SAMM50: variants seen among roughly 807,000 people sequenced by gnomAD.
The protein encoded by SAMM50 is SAMM50 sorting and assembly machinery component, also known as sorting and assembly machinery component 50 homolog.
Under a neutral mutation model 66.9 loss-of-function variants are expected in SAMM50, and 47 were observed. That is an observed-to-expected ratio of 0.70 (90% CI 0.56 to 0.90). SAMM50 has a LOEUF of 0.90. Ranked by LOEUF, SAMM50 falls within the 40% of genes least tolerant of loss-of-function variation. The pLI, the probability that SAMM50 is intolerant of heterozygous loss-of-function variation, is 0.00. For synonymous variants in SAMM50, 191 were observed against 214.1 expected, an observed-to-expected ratio of 0.89 and a Z score of 0.94; for missense variants, 535 against 595.3, an observed-to-expected ratio of 0.90 and a Z score of 1.05.
intron 14 of SAMM50, chr22:43,996,111 T>C: frequency 7.6e-6 from 5 of 655,154 alleles, no homozygotes; most frequent in Non-Finnish European, 1.4e-5. Context: ...TCTCTCCTTC[T>C]TTCCCTTTTC....
intron 3 of SAMM50, among the ~76,000 whole-genome samples, chr22:43,967,694 G>A (rs1179063912): frequency 6.6e-6 from 1 of 152,112 alleles, no homozygotes; most frequent in East Asian, 1.9e-4. Flanking sequence ...ACAAGGAAAT[G>A]TGATCCTTTC....
chr22:43,970,266 T>C (rs1246552461), intron 4 of SAMM50, among the ~76,000 whole-genome samples: 10 of 151,878 alleles, frequency 6.6e-5, no homozygotes, highest in Non-Finnish European at 1.5e-4. Context: ...CCTTGTTCTC[T>C]GAAGTCACCT....
rs931579984 is a variant in SAMM50, at chr22:43,983,836, C to G, written c.1008-97C>G. ...AAAAATGCTGTCGATAATCTAGTAT[C>G]GAATGTGAGTCTGACATGTGTTTCC... On this transcript the variant is annotated intron_variant, in intron 11 of 14. Transcript: ENST00000350028. The surrounding 1 kb of genome is among the most constrained non-coding windows in gnomAD (Gnocchi z 4.2). The G allele has an allele frequency of 3.7e-6, 3 of 819,580 alleles. No homozygotes were observed. Among genetic ancestry groups the G allele is most frequent in the Non-Finnish European group, 6.0e-6 (3 of 502,830 alleles). The allele number at this position is 819,580 out of a possible 1,614,324, so 50.8% of individuals were successfully genotyped here.
rs769314961 is a variant in SAMM50 at position 43,976,182 on chromosome 22, C to G, written c.776C>G (p.Ser259Trp). 6 of 1,602,980 alleles carry G rather than the reference C, an allele frequency of 3.7e-6. No homozygotes were observed. In the African/African-American group the frequency reaches 8.0e-5, roughly 21 times the overall value. The change falls in exon 8 of 15, where the codon TCG (serine) becomes TGG (tryptophan). Residue 259 changes from serine to tryptophan, a missense_variant and splice_region_variant. Coordinates refer to ENST00000350028, the MANE Select transcript of SAMM50 (RefSeq NM_015380.5). ...GGACATTCACTGAAATCATCTCTTT[C>G]GGTAACGGTTTCTCTTAGTTGGAGT... ...ESGHSLKSSLSHAMVIDSRNS... is the reference protein window; with the variant it reads ...ESGHSLKSSLWHAMVIDSRNS...
chr22:43,982,067 G>A (rs962505028), intron 11 of SAMM50, among the ~76,000 whole-genome samples: 1 of 152,164 alleles, frequency 6.6e-6, no homozygotes, highest in African/African-American at 2.4e-5. Context: ...TGTACTTGTT[G>A]CTTCGAAATA....
Position 43,955,459 on chromosome 22 carries a change from G to C in SAMM50, c.-119G>C. 8.4e-7 allele frequency: 1 copy of C among 1,193,980 alleles called. No homozygotes were observed. The allele number at this position is 1,193,980 out of a possible 1,614,324, so 74.0% of individuals were successfully genotyped here. A position where few individuals can be genotyped will look rare whatever the true frequency, so the allele number is the denominator to read the frequency against. On this transcript the variant is annotated 5_prime_UTR_variant, in exon 1 of 15. Transcript: ENST00000350028. The stretch of plus-strand genomic sequence containing the variant: ...CCGCCCCCAGTGTTCCGCGTCCGGG[G>C]GTTTGTGGGAGTTGCCTTGACCTGC...
intron 1 of SAMM50, among the ~76,000 whole-genome samples, chr22:43,958,074 C>T (rs2050129011): frequency 6.6e-6 from 1 of 152,188 alleles, no homozygotes; most frequent in Admixed American, 6.5e-5. Flanking sequence ...TTCTTGTTAG[C>T]CCTGTGAGGA....
chr22:43,956,120 C>A (rs543093437), intron 1 of SAMM50, among the ~76,000 whole-genome samples: 1 of 152,254 alleles, frequency 6.6e-6, no homozygotes, highest in South Asian at 2.1e-4. Context: ...TAGTACCTAC[C>A]TCGCCTGGCT....
chr22:43,963,433 G>A (rs140744390), intron 2 of SAMM50, 37 bp downstream of exon 2: 4 of 1,329,260 alleles, frequency 3.0e-6, no homozygotes, highest in Non-Finnish European at 4.3e-6. Context: ...AGAATTGTTA[G>A]TGGAAACATT....
At chr22:43,973,443 A>T in intron 7 of SAMM50, 120 bp downstream of exon 7, 3 of 655,318 alleles carry the variant, frequency 4.6e-6, no homozygotes, top group East Asian at 2.9e-5. Context: ...CCTCCGCACC[A>T]GGTACCTCCT....
At chr22:43,961,118 G>A (rs2050145261) in intron 1 of SAMM50, among the ~76,000 whole-genome samples, 2 of 152,202 alleles carry the variant, frequency 1.3e-5, no homozygotes, top group Admixed American at 1.3e-4. Flanking sequence ...CCTTTCCGGG[G>A]AAAAGTGGAT....
intron 3 of SAMM50, among the ~76,000 whole-genome samples, chr22:43,965,788 CTG>C (rs2053009337): frequency 6.6e-6 from 1 of 151,942 alleles, no homozygotes; most frequent in Non-Finnish European, 1.5e-5. Flanking sequence ...ACATACCAGT[CTG>C]TTGGCTGTGT....
At chr22:43,980,677 C>T (rs902933678) in intron 10 of SAMM50, among the ~76,000 whole-genome samples, 5 of 152,166 alleles carry the variant, frequency 3.3e-5, no homozygotes, top group African/African-American at 1.2e-4. Context: ...GAAGCTTGTC[C>T]TTCCTACAGA....
intron 1 of SAMM50, among the ~76,000 whole-genome samples, chr22:43,961,510 A>C (rs942625686): frequency 3.9e-5 from 6 of 152,124 alleles, no homozygotes; most frequent in Non-Finnish European, 8.8e-5. Flanking sequence ...AGTGCAGTGG[A>C]GTGATCTTAG....
At position 43,972,343 on chromosome 22, in the gene SAMM50, G is replaced by A. The variant is rs368383356; in HGVS notation, c.429+1G>A. 5.2e-6 allele frequency: 8 copies of A among 1,537,240 alleles called. No homozygotes were observed. Among genetic ancestry groups the A allele is most frequent in the Non-Finnish European group, 7.1e-6 (8 of 1,131,302 alleles). On this transcript the variant is annotated splice_donor_variant, in intron 5 of 14. Transcript: ENST00000350028. LOFTEE classifies it high-confidence loss of function. ...GGTTGGAAACAATGAAGGCAGTATG[G>A]TATGCTACAGGCTTTTTACTTTCTT...
Position 43,970,925 on chromosome 22 carries a change from G to A in SAMM50, c.323-1311G>A, listed in dbSNP as rs867279195. On this transcript the variant is annotated intron_variant, in intron 4 of 14. Coordinates refer to ENST00000350028, the MANE Select transcript of SAMM50 (RefSeq NM_015380.5). The stretch of plus-strand genomic sequence containing the variant: ...CTCACGCCTGTAATCCCAGCACTTT[G>A]GGAAGCCAGGGCGGCTGGATCATGA... Among the ~76,000 whole-genome samples, 40 of 152,328 alleles carry A rather than the reference G, an allele frequency of 2.6e-4. 1 individual carries two copies. Among genetic ancestry groups the A allele is most frequent in the Middle Eastern group, 3.4e-3 (1 of 294 alleles).
At chr22:43,979,627 T>C (rs8142910) in intron 10 of SAMM50, among the ~76,000 whole-genome samples, 89,800 of 151,520 alleles carry the variant, frequency 0.59, 27,555 homozygotes, top group East Asian at 0.83. Context: ...TGAGTCGTCT[T>C]TACTCCCCTT....
At chr22:43,984,093 C>A in intron 12 of SAMM50, 93 bp downstream of exon 12, 1 of 1,078,010 alleles carries the variant, frequency 9.3e-7, no homozygotes, top group Non-Finnish European at 1.3e-6. Context: ...CGATAATAGA[C>A]ATTCCTCTTT....
chr22:43,979,475 G>A (rs866647699), intron 10 of SAMM50, among the ~76,000 whole-genome samples: 7 of 152,278 alleles, frequency 4.6e-5, no homozygotes, highest in Admixed American at 2.6e-4. Context: ...TCAGCCACCT[G>A]CCACCCACTG....
Sources: gnomAD v4.1 joint callset for allele counts (sites outside exome capture counted in the v4.1 genomes callset) on GRCh38, gnomAD v4.1.1 for gene constraint, Gnocchi (gnomAD v3.1) non-coding constraint, MANE v1.5 for transcripts, NCBI Gene and HGNC (gene_info 2026-07-23, HGNC 2026-07-21) for gene names.